Variants in PIEZO2 observed in about 807,000 individuals in gnomAD.
PIEZO2 encodes the protein piezo-type mechanosensitive ion channel component 2.
Under a neutral mutation model 337.3 loss-of-function variants are expected in PIEZO2, and 172 were observed. That is an observed-to-expected ratio of 0.51 (90% CI 0.45 to 0.58). The LOEUF (loss-of-function observed/expected upper bound fraction) is 0.58. Ranked by LOEUF, PIEZO2 falls within the 20% of genes least tolerant of loss-of-function variation. The pLI, the probability that PIEZO2 is intolerant of heterozygous loss-of-function variation, is 0.00. For synonymous variants in PIEZO2, 1,251 were observed against 1,228.5 expected (o/e 1.02, Z -0.38); for missense variants, 3,028 against 3,391.3 (o/e 0.89, Z 2.66).
In PIEZO2 at chr18:10,794,089, TTTACTGTC is replaced by T. The variant is rs1054868408; in HGVS notation, c.1758+675_1758+682del. ...CCCATTCAATATAAACACGTTTATT[TTTACTGTC>T]TTAAAACTAAATTATTAACACAAAG... On this transcript the variant is annotated intron_variant, in intron 13 of 55. Transcript: ENST00000674853. This position sits in a 1 kb window ranked among gnomAD's most constrained non-coding sequence, Gnocchi z 6.6. Among the ~76,000 whole-genome samples, 6 of 152,202 alleles carry T rather than the reference TTTACTGTC, an allele frequency of 3.9e-5. No individual in the cohort carries two copies. The highest frequency in any genetic ancestry group is 3.9e-4 in the Admixed American group (6 of 15,288).
At chr18:10,736,361 T>C (rs1223497450) in intron 34 of PIEZO2, among the ~76,000 whole-genome samples, 1 of 152,234 alleles carries the variant, frequency 6.6e-6, no homozygotes, top group Non-Finnish European at 1.5e-5. Context: ...TATCAGGAAC[T>C]GTTTCAGTGC....
chr18:10,711,392 T>A (rs776676767), intron 39 of PIEZO2, among the ~76,000 whole-genome samples: 3 of 152,192 alleles, frequency 2.0e-5, no homozygotes, highest in Non-Finnish European at 4.4e-5. Context: ...CAAGCCAGGC[T>A]CATGTGTGAT....
chr18:11,088,933 G>T (rs931789375), intron 1 of PIEZO2, among the ~76,000 whole-genome samples: 3 of 152,186 alleles, frequency 2.0e-5, no homozygotes, highest in Non-Finnish European at 4.4e-5. Flanking sequence ...TAAAGAAATG[G>T]ACTCCAAATG....
At position 10,869,907 on chromosome 18, in the gene PIEZO2, G is replaced by A. The variant is rs544012738; in HGVS notation, c.492+1346C>T. Among the ~76,000 whole-genome samples, 33 of 148,082 alleles carry A rather than the reference G, an allele frequency of 2.2e-4. No homozygotes were observed. The South Asian group carries it at 4.2e-3, about 19-fold the overall frequency. On this transcript the variant is annotated intron_variant, in intron 5 of 55. Transcript: ENST00000674853. ...TATATATTTTTTAAGACAGAGTCTC[G>A]CTCTGTCACCCAGACTGGAGGGCAG... is the stretch of plus-strand genomic sequence containing the variant.
intron 1 of PIEZO2, among the ~76,000 whole-genome samples, chr18:11,088,410 C>A (rs928832546): frequency 6.6e-6 from 1 of 152,204 alleles, no homozygotes; most frequent in African/African-American, 2.4e-5. Context: ...CTATTTTAAA[C>A]AACACTTCAC....
chr18:10,858,149 G>A (rs1423288517), intron 5 of PIEZO2, among the ~76,000 whole-genome samples: 8 of 150,342 alleles, frequency 5.3e-5, no homozygotes, highest in East Asian at 2.0e-4. Context: ...GTGAAACCCC[G>A]TCTCTACTAA....
chr18:11,060,179 G>C, intron 2 of PIEZO2, among the ~76,000 whole-genome samples: 1 of 152,012 alleles, frequency 6.6e-6, no homozygotes, highest in Non-Finnish European at 1.5e-5. Flanking sequence ...ATGAAATGAG[G>C]GCAGAAATAA....
At chr18:10,843,388 T>C (rs930193904) in intron 7 of PIEZO2, among the ~76,000 whole-genome samples, 1 of 152,118 alleles carries the variant, frequency 6.6e-6, no homozygotes, top group Non-Finnish European at 1.5e-5. Flanking sequence ...TCTCAAAAGA[T>C]CTCTTTAGAT....
In PIEZO2 at chr18:10,789,307, T is replaced by G. The variant is rs1021262669; in HGVS notation, c.1941A>C (p.Glu647Asp). 4.0e-5 allele frequency: 61 copies of G among 1,537,232 alleles called. No homozygotes were observed. The Middle Eastern group carries it at 1.0e-3, about 25-fold the overall frequency. The change falls in exon 15 of 56, where the codon GAA becomes GAC. Residue 647 changes from glutamate (E) to aspartate (D), a missense_variant. Glu to Asp is a conservative substitution (Grantham distance 45). Around this residue, in one of 5 missense-constraint regions of PIEZO2, gnomAD observed 1,925 missense variants for 2,051.9 expected, o/e 0.94. Coordinates refer to ENST00000674853, the MANE Select transcript of PIEZO2 (RefSeq NM_001378183.1). ...TTCTCTCTTGCTTCTCTTCCTTCGCTTCCTCTTCTTCCTCCTCTTTGGGCT... is the reference window on the plus strand; with the variant it reads ...TTCTCTCTTGCTTCTCTTCCTTCGCGTCCTCTTCTTCCTCCTCTTTGGGCT... Reference protein sequence around the residue: ...EGEPKEEEEEEAKEEKQERKK... With the variant: ...EGEPKEEEEEDAKEEKQERKK...
chr18:11,062,703 C>T (rs2038011683), intron 2 of PIEZO2, among the ~76,000 whole-genome samples: 1 of 152,168 alleles, frequency 6.6e-6, no homozygotes, highest in Non-Finnish European at 1.5e-5. Flanking sequence ...ATCAAAACCA[C>T]AATGAGATAC....
intron 3 of PIEZO2, among the ~76,000 whole-genome samples, chr18:10,931,261 G>A (rs2032066377): frequency 1.3e-5 from 2 of 152,030 alleles, no homozygotes; most frequent in South Asian, 2.1e-4. Context: ...GTGCAGTGGC[G>A]CCATCTCTGC....
At position 10,846,251 on chromosome 18, in the gene PIEZO2, C is replaced by T. The variant is rs894786870; in HGVS notation, c.917+9102G>A. Among the ~76,000 whole-genome samples the T allele has an allele frequency of 2.6e-5, 4 of 152,212 alleles. No homozygotes were observed. The highest frequency in any genetic ancestry group is 6.5e-5 in the Admixed American group (1 of 15,270). On this transcript the variant is annotated intron_variant, in intron 7 of 55. Transcript: ENST00000674853. The surrounding 1 kb of genome is among the most constrained non-coding windows in gnomAD (Gnocchi z 4.1). Reference sequence around the variant, plus strand: ...AGCAAGTCACATCTTACACAGATGGCAGCAGGCAAAGAGAGAGCTCATGCA... The same window carrying T: ...AGCAAGTCACATCTTACACAGATGGTAGCAGGCAAAGAGAGAGCTCATGCA...
At chr18:10,684,737 A>G (rs1006990259) in intron 49 of PIEZO2, among the ~76,000 whole-genome samples, 1 of 152,196 alleles carries the variant, frequency 6.6e-6, no homozygotes, top group African/African-American at 2.4e-5. Flanking sequence ...AAGTGCTGGG[A>G]TTACAAGCGT....
rs10709952 is a variant in PIEZO2, at chr18:10,844,788, C to CA, written c.917+10564dup. Among the ~76,000 whole-genome samples, 896 of 116,692 alleles carry CA rather than the reference C, an allele frequency of 7.7e-3. 19 individuals carry two copies. Among genetic ancestry groups the CA allele is most frequent in the Non-Finnish European group, 0.011 (626 of 56,524 alleles). The allele number at this position is 116,692 out of a possible 152,430, so 76.6% of individuals were successfully genotyped here. On this transcript the variant is annotated intron_variant, in intron 7 of 55. Coordinates refer to ENST00000674853, the MANE Select transcript of PIEZO2 (RefSeq NM_001378183.1). ...TGGGCGACAGAGGGAGACTCTGTCT[C>CA]AAAAAAAAAAAAAAAAAGTACCTAC...
At chr18:10,879,617 G>T (rs1247622911) in intron 4 of PIEZO2, among the ~76,000 whole-genome samples, 8 of 151,924 alleles carry the variant, frequency 5.3e-5, no homozygotes, top group African/African-American at 4.8e-5. Context: ...GGATGGTCTC[G>T]ATCTCCTGAC....
chr18:10,931,162 C>G (rs2032057757), intron 3 of PIEZO2, among the ~76,000 whole-genome samples: 1 of 151,910 alleles, frequency 6.6e-6, no homozygotes, highest in Admixed American at 6.6e-5. Context: ...ATCCAGCTAT[C>G]TAAATATATA....
Position 10,699,100 on chromosome 18 carries a change from G to A in PIEZO2, c.6519C>T (p.Leu2173=), listed in dbSNP as rs907607647. The change falls in exon 44 of 56, where the codon CTC becomes CTT. Residue 2173 remains leucine, a synonymous_variant. Transcript: ENST00000674853. ...CGGAGGAGTCCCTCCTGCCATGACC[G>A]AGGGAGAGCTCATCATCTGATTCCT... is the stretch of plus-strand genomic sequence containing the variant. The part of the protein sequence containing the change: ...AREESDDELS[L]GHGRRDSSDS... 24 of 1,537,242 alleles carry A rather than the reference G, an allele frequency of 1.6e-5. No individual in the cohort carries two copies. The highest frequency in any genetic ancestry group is 1.7e-4 in the Middle Eastern group (1 of 5,990).
chr18:10,793,484 C>G (rs976784070), intron 13 of PIEZO2, among the ~76,000 whole-genome samples: 1 of 152,052 alleles, frequency 6.6e-6, no homozygotes, highest in East Asian at 1.9e-4. Flanking sequence ...ATTTTAGATT[C>G]GACAGGAGAC....
At chr18:10,685,545 G>C (rs764770140) in intron 49 of PIEZO2, among the ~76,000 whole-genome samples, 14 of 152,184 alleles carry the variant, frequency 9.2e-5, no homozygotes, top group Non-Finnish European at 1.5e-4. Flanking sequence ...TTGGGAGGCG[G>C]GGTGGTGGCT....
Sources: allele counts gnomAD v4.1 joint callset (sites outside exome capture counted in the v4.1 genomes callset), GRCh38; gene constraint gnomAD v4.1.1; regional missense constraint gnomAD v4.1.1; non-coding constraint Gnocchi (gnomAD v3.1); transcripts MANE v1.5; gene names NCBI Gene and HGNC (gene_info 2026-07-23, HGNC 2026-07-21).